The following BRWD3 variants were observed in gnomAD, a reference collection of about 807,000 sequenced individuals.
BRWD3 encodes bromodomain and WD repeat-containing protein 3.
A neutral mutation model predicts 149.7 loss-of-function variants in BRWD3; 10 were observed. That is an observed-to-expected ratio of 0.07 (90% confidence interval 0.04 to 0.11). The LOEUF (loss-of-function observed/expected upper bound fraction) is 0.11, where lower values mean the gene tolerates loss of function less well. Ranked by LOEUF, BRWD3 falls within the 10% of genes least tolerant of loss-of-function variation. The probability of loss-of-function intolerance (pLI) is 1.00; values close to 1 mark genes in which losing one functional copy is unlikely to be tolerated. For missense variants in BRWD3, 940 were observed against 1,373.2 expected (o/e 0.68, Z 4.99); for synonymous variants, 504 against 456.7 (o/e 1.10, Z -1.32).
chrX:80,684,507 G>C (rs1008884654), intron 36 of BRWD3, among the ~76,000 whole-genome samples: 1 of 111,664 alleles, frequency 9.0e-6, no homozygotes, highest in Non-Finnish European at 1.9e-5. Context: ...ATAAAAGATG[G>C]GATTATTCAC....
chrX:80,723,715 T>C (rs192172884), intron 16 of BRWD3, 33 bp downstream of exon 16: 5 of 1,203,859 alleles, frequency 4.2e-6, no homozygotes, highest in Non-Finnish European at 5.6e-6. Flanking sequence ...CAATCCTAAA[T>C]TATACTCTAC....
At chrX:80,800,699 C>T (rs1190708970) in intron 4 of BRWD3, among the ~76,000 whole-genome samples, 2 of 109,759 alleles carry the variant, frequency 1.8e-5, no homozygotes, top group Non-Finnish European at 3.8e-5. Flanking sequence ...AAATCAAATG[C>T]TGTGTTTTAA....
Position 80,745,639 on chromosome X carries a change from T to G in BRWD3, c.521A>C (p.Lys174Thr). Residue 174 changes from lysine to threonine, a missense_variant, in exon 7 of 41, where the codon AAG (lysine) becomes ACG (threonine). By Grantham distance (78) the Lys-to-Thr change is moderately conservative. Coordinates refer to ENST00000373275, the MANE Select transcript of BRWD3 (RefSeq NM_153252.5). The part of the protein sequence containing the change: ...SSAYQHIKMH[K>T]RILGHLSSVY... ...AGATGACAAGTGCCCCAGAATTCTC[T>G]TATGCATCTTAATGTGCTGGTAAGC... The G allele has an allele frequency of 8.3e-7, 1 of 1,209,566 alleles. No homozygotes were observed. Among genetic ancestry groups the G allele is most frequent in the Non-Finnish European group, 1.1e-6 (1 of 894,002 alleles).
In BRWD3 at chrX:80,736,076, T is replaced by A; in HGVS notation, c.826A>T (p.Thr276Ser). 8.5e-7 allele frequency: 1 copy of A among 1,181,361 alleles called. No homozygotes were observed. The highest frequency in any genetic ancestry group is 1.1e-6 in the Non-Finnish European group (1 of 874,821). Reference protein sequence around the residue: ...SITSIQFCPSTKGTNRYLTST... With the variant: ...SITSIQFCPSSKGTNRYLTST... ...GTGAGGTATCTGTTTGTGCCTTTAGTTGATGGACAAAACTTAAAAAAAAAA... is the reference window on the plus strand; with the variant it reads ...GTGAGGTATCTGTTTGTGCCTTTAGATGATGGACAAAACTTAAAAAAAAAA... Residue 276 changes from threonine to serine, a missense_variant, in exon 9 of 41, where the codon ACT becomes TCT. Thr to Ser is a moderately conservative substitution (Grantham distance 58). Transcript: ENST00000373275.
chrX:80,748,423 C>A (rs2073622923), intron 6 of BRWD3, among the ~76,000 whole-genome samples: 1 of 111,831 alleles, frequency 8.9e-6, no homozygotes, highest in East Asian at 2.8e-4. Flanking sequence ...TGAAAGTATT[C>A]TCTCCTCTTC....
chrX:80,689,921 T>TA (rs1485045456), intron 32 of BRWD3, 46 bp downstream of exon 32: 3 of 1,186,363 alleles, frequency 2.5e-6, no homozygotes, highest in Non-Finnish European at 3.4e-6. Flanking sequence ...ATTAATTTTT[T>TA]AAAAACCTTA....
chrX:80,751,265 C>T (rs747948131), intron 6 of BRWD3, among the ~76,000 whole-genome samples: 3 of 111,817 alleles, frequency 2.7e-5, no homozygotes, highest in Non-Finnish European at 5.6e-5. Context: ...GTTCTCACCA[C>T]AAGAAAATGT....
intron 26 of BRWD3, 101 bp downstream of exon 26, chrX:80,696,638 A>G: frequency 3.2e-6 from 3 of 945,334 alleles, no homozygotes; most frequent in Non-Finnish European, 4.6e-6. Flanking sequence ...GTAGTAAAGA[A>G]TGCTATAGTG....
intron 6 of BRWD3, among the ~76,000 whole-genome samples, chrX:80,785,173 T>C (rs2074096167): frequency 1.8e-5 from 2 of 112,242 alleles, no homozygotes. Flanking sequence ...CAAATATTAA[T>C]TACATATGCC....
At chrX:80,700,094 G>A in intron 24 of BRWD3, 30 bp from the exon 25 acceptor site, 3 of 1,062,456 alleles carry the variant, frequency 2.8e-6, no homozygotes, top group Non-Finnish European at 3.9e-6. Flanking sequence ...GTATTAAACA[G>A]CAGCATCCTA....
chrX:80,801,518 GA>G (rs1434510508), intron 4 of BRWD3, among the ~76,000 whole-genome samples: 39 of 108,976 alleles, frequency 3.6e-4, no homozygotes, highest in African/African-American at 1.3e-3. Context: ...GCCCGGACGA[GA>G]AAACATTTTA....
At chrX:80,727,809 C>G (rs939526043) in intron 14 of BRWD3, among the ~76,000 whole-genome samples, 1 of 111,245 alleles carries the variant, frequency 9.0e-6, no homozygotes. Flanking sequence ...CCTCCCATAT[C>G]AAATTTGGTT....
intron 6 of BRWD3, among the ~76,000 whole-genome samples, chrX:80,759,584 T>C (rs979662619): frequency 1.8e-5 from 2 of 112,234 alleles, no homozygotes; most frequent in South Asian, 7.3e-4. Context: ...TCTTACGTTT[T>C]AGCTATGAAT....
chrX:80,713,571 T>G (rs1255271335), intron 20 of BRWD3, among the ~76,000 whole-genome samples: 3 of 109,950 alleles, frequency 2.7e-5, no homozygotes, highest in African/African-American at 1.0e-4. Flanking sequence ...CGCAGGGTCC[T>G]CTGCCTAGGA....
At position 80,671,061 on chromosome X, in the gene BRWD3, C is replaced by T. The variant is rs1456169898; in HGVS notation, c.*5548G>A. On this transcript the variant is annotated 3_prime_UTR_variant, in exon 41 of 41. Coordinates refer to ENST00000373275, the MANE Select transcript of BRWD3 (RefSeq NM_153252.5). ...TCTCACCTCACTTCTCTCTCTCCTA[C>T]ACTTACACTGAATTAAAGCACCATT... 1 of 111,335 alleles carries T rather than the reference C, an allele frequency of 9.0e-6. No homozygotes were observed. The highest frequency in any genetic ancestry group is 1.9e-5 in the Non-Finnish European group (1 of 53,098). The allele number at this position is 111,335 out of a possible 1,213,427, so 9.2% of individuals were successfully genotyped here.
At position 80,767,687 on chromosome X, in the gene BRWD3, G is replaced by A. The variant is rs559082194; in HGVS notation, c.431-21958C>T. 5.4e-5 allele frequency among the ~76,000 whole-genome samples: 6 copies of A among 111,681 alleles called. No individual in the cohort carries two copies. The South Asian group carries it at 2.3e-3, about 42-fold the overall frequency. ...GCCTCTTCTCCTCCAAAGGATTGCA[G>A]CTCCTCGCCAGCAACAGAACAAAGC... On this transcript the variant is annotated intron_variant, in intron 6 of 40. Transcript: ENST00000373275.
rs759788450 is a variant in BRWD3 at position 80,716,199 on chromosome X, A to G, written c.2283T>C (p.Tyr761=). The part of the protein sequence containing the change: ...TAKGDIEISL[Y]TVEKKKKPSY... ...ATGGCTTTTTCTTCTTTTCAACTGT[A>G]TAAAGACTGATTTCTATGTCACCTT... is the stretch of plus-strand genomic sequence containing the variant. Residue 761 remains tyrosine, a synonymous_variant, in exon 20 of 41, where the codon TAT becomes TAC. Transcript: ENST00000373275. The G allele has an allele frequency of 1.3e-5, 16 of 1,210,340 alleles. No individual in the cohort carries two copies. The South Asian group carries it at 1.9e-4, about 15-fold the overall frequency.
intron 6 of BRWD3, among the ~76,000 whole-genome samples, chrX:80,758,156 G>A (rs772864666): frequency 3.4e-4 from 38 of 110,707 alleles, no homozygotes; most frequent in African/African-American, 1.0e-3. Flanking sequence ...CCAAGATCGC[G>A]CCATTGCACT....
intron 24 of BRWD3, among the ~76,000 whole-genome samples, chrX:80,702,404 G>A (rs911751343): frequency 1.2e-4 from 13 of 111,941 alleles, no homozygotes; most frequent in Non-Finnish European, 2.3e-4. Context: ...TCCTTATATT[G>A]TTCTATAAAG....
Sources: allele counts gnomAD v4.1 joint callset (sites outside exome capture counted in the v4.1 genomes callset), GRCh38; gene constraint gnomAD v4.1.1; transcripts MANE v1.5; gene names NCBI Gene and HGNC (gene_info 2026-07-23, HGNC 2026-07-21).